The following IDO2 variants were observed in gnomAD, a reference collection of about 807,000 sequenced individuals.
The protein encoded by IDO2 is indoleamine 2,3-dioxygenase-like 1 protein.
Under a neutral mutation model 45.1 loss-of-function variants are expected in IDO2, and 46 were observed. The ratio of observed to expected loss-of-function variants is 1.02; its 90% CI spans 0.80 to 1.30. IDO2 has a LOEUF of 1.30. IDO2 is among the 50% of genes most tolerant of loss of function. The pLI, the probability that IDO2 is intolerant of heterozygous loss-of-function variation, is 0.00. For missense variants in IDO2, 544 were observed against 491.8 expected, an observed-to-expected ratio of 1.11 and a Z score of -1.00; for synonymous variants, 218 against 184.9, an observed-to-expected ratio of 1.18 and a Z score of -1.45.
In IDO2 at chr8:39,949,037, A is replaced by C. The variant is rs966177870; in HGVS notation, c.-17-112A>C. 15 of 1,394,230 alleles carry C rather than the reference A, an allele frequency of 1.1e-5. No homozygotes were observed. The African/African-American group carries it at 2.0e-4, about 19-fold the overall frequency. 86.4% of individuals were successfully genotyped at this position (1,394,230 alleles called of 1,614,324 possible). A position where few individuals can be genotyped will look rare whatever the true frequency, so the allele number is the denominator to read the frequency against. On this transcript the variant is annotated intron_variant, in intron 1 of 10. Coordinates refer to ENST00000502986, the Ensembl canonical transcript of IDO2. Reference sequence around the variant, plus strand: ...ATGATCTGGAATTCAACCTCAGGGAAAAGTTCTCTCCTGTGCCTGAGACAC... The same window carrying C: ...ATGATCTGGAATTCAACCTCAGGGACAAGTTCTCTCCTGTGCCTGAGACAC...
chr8:39,960,599 C>T (rs757163405), intron 2 of IDO2, among the ~76,000 whole-genome samples: 10 of 152,214 alleles, frequency 6.6e-5, no homozygotes, highest in Non-Finnish European at 1.0e-4. Flanking sequence ...CGTTTGAACC[C>T]TGCTTCTATG....
intron 3 of IDO2, among the ~76,000 whole-genome samples, chr8:39,969,500 T>C (rs1435981163): frequency 1.3e-5 from 2 of 152,136 alleles, no homozygotes; most frequent in Non-Finnish European, 2.9e-5. Context: ...CATAATAATA[T>C]TGAAATTAGG....
intron 8 of IDO2, among the ~76,000 whole-genome samples, chr8:40,003,391 A>AAAAAAT (rs961166006): frequency 1.4e-5 from 2 of 143,010 alleles, no homozygotes; most frequent in African/African-American, 5.2e-5. Context: ...AAAAAAAAAA[A>AAAAAAT]GAAAACGAGA....
At chr8:39,980,546 T>C (rs1457053543) in intron 4 of IDO2, among the ~76,000 whole-genome samples, 1 of 152,176 alleles carries the variant, frequency 6.6e-6, no homozygotes, top group Non-Finnish European at 1.5e-5. Flanking sequence ...TAAAAGTTAC[T>C]GTTATTTTTA....
chr8:39,937,549 G>A (rs985037386), intron 1 of IDO2, among the ~76,000 whole-genome samples: 4 of 148,598 alleles, frequency 2.7e-5, no homozygotes, highest in African/African-American at 1.0e-4. Context: ...GAGACAAGGT[G>A]TCACATTGTC....
intron 7 of IDO2, among the ~76,000 whole-genome samples, chr8:39,988,869 A>G (rs1467547379): frequency 1.3e-5 from 2 of 152,098 alleles, no homozygotes; most frequent in African/African-American, 4.8e-5. Flanking sequence ...CCATTAGAAG[A>G]TACAGAGTCA....
rs1269580477 is a variant in IDO2, at chr8:40,002,257, C to T, written c.668-3070C>T. 3.9e-5 allele frequency among the ~76,000 whole-genome samples: 6 copies of T among 152,110 alleles called. No homozygotes were observed. In the East Asian group the frequency reaches 9.6e-4, roughly 24 times the overall value. On this transcript the variant is annotated intron_variant, in intron 8 of 10. Transcript: ENST00000502986. ...TAAGCACAAACCTGCAGTATTAGCACAGTCTTATGTCAGATTTTCTAAAAT... is the reference window on the plus strand; with the variant it reads ...TAAGCACAAACCTGCAGTATTAGCATAGTCTTATGTCAGATTTTCTAAAAT...
chr8:39,944,374 C>T (rs1306742794), intron 1 of IDO2, among the ~76,000 whole-genome samples: 1 of 152,146 alleles, frequency 6.6e-6, no homozygotes, highest in Non-Finnish European at 1.5e-5. Context: ...TAATGCCCAA[C>T]CTTGTTTTTA....
At chr8:39,985,162 C>CA in intron 5 of IDO2, 1 of 336,014 alleles carries the variant, frequency 3.0e-6, no homozygotes, top group African/African-American at 2.2e-5. Flanking sequence ...AATCCTCGAC[C>CA]TCATAATCCA....
At chr8:39,935,849 A>G (rs13278237) in intron 1 of IDO2, among the ~76,000 whole-genome samples, 54,107 of 152,150 alleles carry the variant, frequency 0.36, 11,740 homozygotes, top group Non-Finnish European at 0.47. Context: ...TTTGGAAGAC[A>G]GCAAAACCTG....
intron 1 of IDO2, among the ~76,000 whole-genome samples, chr8:39,946,495 T>G (rs1807733188): frequency 6.6e-6 from 1 of 152,232 alleles, no homozygotes; most frequent in East Asian, 1.9e-4. Context: ...TAGTCCCAGC[T>G]ACTCGGGAGG....
At chr8:39,954,287 G>A (rs75055932) in intron 2 of IDO2, among the ~76,000 whole-genome samples, 1,807 of 152,236 alleles carry the variant, frequency 0.012, 40 homozygotes, top group African/African-American at 0.041. Context: ...TCTGAGATGA[G>A]GACCCCCTAT....
chr8:39,951,569 C>T (rs1333399188), intron 2 of IDO2, among the ~76,000 whole-genome samples: 2 of 152,170 alleles, frequency 1.3e-5, no homozygotes, highest in African/African-American at 4.8e-5. Flanking sequence ...TTCACATTTA[C>T]TGGATGGAGA....
intron 8 of IDO2, among the ~76,000 whole-genome samples, chr8:40,003,391 A>AAT (rs961166006): frequency 2.3e-4 from 33 of 142,996 alleles, no homozygotes; most frequent in African/African-American, 8.3e-4. Flanking sequence ...AAAAAAAAAA[A>AAT]GAAAACGAGA....
At chr8:39,999,726 G>T (rs1279182892) in intron 8 of IDO2, among the ~76,000 whole-genome samples, 1 of 152,216 alleles carries the variant, frequency 6.6e-6, no homozygotes, top group South Asian at 2.1e-4. Context: ...GTCTCCCAAA[G>T]TGCTAGGATT....
chr8:39,953,999 C>T (rs1359446649), intron 2 of IDO2, among the ~76,000 whole-genome samples: 1 of 152,180 alleles, frequency 6.6e-6, no homozygotes, highest in Non-Finnish European at 1.5e-5. Flanking sequence ...TGTTCTCTCT[C>T]TCTAGTTTCA....
intron 2 of IDO2, among the ~76,000 whole-genome samples, chr8:39,950,763 C>T (rs555966335): frequency 3.9e-5 from 6 of 152,124 alleles, no homozygotes; most frequent in South Asian, 4.1e-4. Context: ...GATAAGGGAA[C>T]AGAACAAAGA....
At chr8:39,942,704 T>C (rs1411566882) in intron 1 of IDO2, among the ~76,000 whole-genome samples, 1 of 152,192 alleles carries the variant, frequency 6.6e-6, no homozygotes, top group African/African-American at 2.4e-5. Context: ...AGGATTCTAC[T>C]CCAACTCTGA....
At chr8:39,987,843 C>CTA in intron 6 of IDO2, 28 bp from the exon 7 acceptor site, 1 of 1,380,746 alleles carries the variant, frequency 7.2e-7, no homozygotes. Flanking sequence ...CTCCACACCT[C>CTA]TAATCATGTG....
Sources: gnomAD v4.1 joint callset for allele counts (sites outside exome capture counted in the v4.1 genomes callset) on GRCh38, gnomAD v4.1.1 for gene constraint, MANE v1.5 for transcripts, NCBI Gene and HGNC (gene_info 2026-07-23, HGNC 2026-07-21) for gene names.